DGKB: variants seen among roughly 807,000 people sequenced by gnomAD.
DGKB encodes the protein diacylglycerol kinase beta.
Under a neutral mutation model 114.3 loss-of-function variants are expected in DGKB, and 67 were observed. The observed-to-expected ratio is 0.59, with a 90% CI of 0.48 to 0.72. The LOEUF is 0.72. Among genes scored for constraint, DGKB ranks in the 30% least tolerant of loss-of-function variants. The pLI is 0.00. For synonymous variants in DGKB, 398 were observed against 323.1 expected (o/e 1.23, Z -2.49); for missense variants, 907 against 975.2 (o/e 0.93, Z 0.93).
intron 23 of DGKB, among the ~76,000 whole-genome samples, chr7:14,264,077 G>C (rs1363794824): frequency 6.6e-6 from 1 of 152,082 alleles, no homozygotes; most frequent in Non-Finnish European, 1.5e-5. Flanking sequence ...CCAACAGGTA[G>C]AGTCACAGAG....
chr7:14,279,138 C>T lies in DGKB; in HGVS notation c.2122+59377G>A, dbSNP rs557341362. 9.2e-5 allele frequency among the ~76,000 whole-genome samples: 14 copies of T among 152,310 alleles called. No homozygotes were observed. The South Asian group carries it at 2.5e-3, about 27-fold the overall frequency. On this transcript the variant is annotated intron_variant, in intron 23 of 25. Transcript: ENST00000402815. ...GGGTGATGGACGGCACCTGGAAAAT[C>T]GGGTCACTCCCACCCGAATACTGCG...
intron 21 of DGKB, among the ~76,000 whole-genome samples, chr7:14,472,331 G>A (rs1432545817): frequency 6.6e-6 from 1 of 152,122 alleles, no homozygotes; most frequent in Non-Finnish European, 1.5e-5. Flanking sequence ...GTTCTGTAAG[G>A]AGGAGTTTCC....
intron 1 of DGKB, among the ~76,000 whole-genome samples, chr7:14,875,734 T>C (rs1042691037): frequency 1.3e-5 from 2 of 152,170 alleles, no homozygotes; most frequent in Non-Finnish European, 2.9e-5. Flanking sequence ...CTAACCCACG[T>C]TGGGCCACAT....
chr7:14,643,519 C>T (rs1037517584), intron 13 of DGKB, among the ~76,000 whole-genome samples: 7 of 152,154 alleles, frequency 4.6e-5, no homozygotes, highest in Non-Finnish European at 7.4e-5. Flanking sequence ...TCCCCTACAT[C>T]CACTGAGAAG....
At chr7:14,604,440 T>G (rs896496640) in intron 17 of DGKB, among the ~76,000 whole-genome samples, 2 of 151,932 alleles carry the variant, frequency 1.3e-5, no homozygotes, top group African/African-American at 4.8e-5. Flanking sequence ...CAATCTGGTG[T>G]GGTAAAGAGG....
chr7:14,751,482 T>C (rs538947447), intron 4 of DGKB, among the ~76,000 whole-genome samples: 1 of 152,300 alleles, frequency 6.6e-6, no homozygotes, highest in African/African-American at 2.4e-5. Flanking sequence ...TTTATAATTG[T>C]AGGTAGATTT....
chr7:14,749,902 G>A (rs956209129), intron 4 of DGKB, among the ~76,000 whole-genome samples: 7 of 152,098 alleles, frequency 4.6e-5, no homozygotes, highest in African/African-American at 1.7e-4. Flanking sequence ...GCACATATGA[G>A]CAGACAGATT....
At chr7:14,768,345 A>G (rs1311048046) in intron 2 of DGKB, among the ~76,000 whole-genome samples, 2 of 151,936 alleles carry the variant, frequency 1.3e-5, no homozygotes, top group African/African-American at 2.4e-5. Flanking sequence ...TAGATGATCT[A>G]TAGGATATTC....
In DGKB at chr7:14,569,476, A is replaced by G. The variant is rs997031600; in HGVS notation, c.1770+4736T>C. Among the ~76,000 whole-genome samples, 4 of 152,304 alleles carry G rather than the reference A, an allele frequency of 2.6e-5. 1 individual carries two copies. Among genetic ancestry groups the G allele is most frequent in the Admixed American group, 6.5e-5 (1 of 15,280 alleles). ...ATATAATATGAGGTAGAGTTCTAAC[A>G]AAAGTTTTTTCTTTCTAGGAAGCTA... On this transcript the variant is annotated intron_variant, in intron 20 of 25. Transcript: ENST00000402815.
chr7:14,625,075 T>G (rs1808336739), intron 14 of DGKB, among the ~76,000 whole-genome samples: 1 of 152,162 alleles, frequency 6.6e-6, no homozygotes, highest in Non-Finnish European at 1.5e-5. Flanking sequence ...ATTTCATTTA[T>G]GAAATCCAGA....
chr7:14,155,720 G>C (rs952162293), intron 25 of DGKB, among the ~76,000 whole-genome samples: 1 of 152,228 alleles, frequency 6.6e-6, no homozygotes, highest in South Asian at 2.1e-4. Context: ...ACTGGAAAAA[G>C]AGGAAGATTT....
At chr7:14,289,507 T>G (rs1801398773) in intron 23 of DGKB, among the ~76,000 whole-genome samples, 2 of 152,268 alleles carry the variant, frequency 1.3e-5, no homozygotes, top group South Asian at 2.1e-4. Flanking sequence ...ACATTCTATT[T>G]AGAAGATGAT....
chr7:14,689,633 C>T (rs940729240), intron 9 of DGKB, among the ~76,000 whole-genome samples: 18 of 152,128 alleles, frequency 1.2e-4, no homozygotes, highest in African/African-American at 3.9e-4. Context: ...GCAAAATCAA[C>T]AGCAGGTTAC....
intron 23 of DGKB, among the ~76,000 whole-genome samples, chr7:14,188,659 CAAAAAA>C (rs35808078): frequency 8.8e-5 from 3 of 34,088 alleles, no homozygotes; most frequent in Non-Finnish European, 1.1e-4. Flanking sequence ...GACTCCGTCT[CAAAAAA>C]AAAAAAAAAA....
upstream of DGKB, chr7:14,903,155 T>C (rs530495445): frequency 6.6e-6 from 1 of 152,572 alleles, no homozygotes; most frequent in African/African-American, 2.4e-5. Flanking sequence ...ACGCTCTTCT[T>C]CAGTCTCTCT....
Position 14,646,342 on chromosome 7 carries a change from A to G in DGKB, c.1135-16074T>C, listed in dbSNP as rs1411180475. ...GGATATAACAATTATAGAAAAGTAA[A>G]TAAACATATATATACACACTCAACA... On this transcript the variant is annotated intron_variant, in intron 13 of 25. Transcript: ENST00000402815. Among the ~76,000 whole-genome samples the G allele has an allele frequency of 2.0e-5, 3 of 152,158 alleles. No individual in the cohort carries two copies. In the East Asian group the frequency reaches 5.8e-4, roughly 29 times the overall value.
intron 23 of DGKB, among the ~76,000 whole-genome samples, chr7:14,295,758 A>C (rs150856118): frequency 0.013 from 2,035 of 152,208 alleles, 24 homozygotes; most frequent in African/African-American, 0.036. Context: ...CAGAACATGC[A>C]GGTTTGCTAC....
At position 14,826,374 on chromosome 7, in the gene DGKB, G is replaced by T. The variant is rs1412294395; in HGVS notation, c.70+14820C>A. On this transcript the variant is annotated intron_variant, in intron 2 of 25. Transcript: ENST00000402815. The stretch of plus-strand genomic sequence containing the variant: ...TCCTTTCTTGGACCAGTTGATTCCA[G>T]GAATTACCATACTTTATATTTTGTC... Among the ~76,000 whole-genome samples, 8 of 152,146 alleles carry T rather than the reference G, an allele frequency of 5.3e-5. No individual in the cohort carries two copies. In the East Asian group the frequency reaches 9.7e-4, roughly 18 times the overall value.
At chr7:14,399,787 G>A (rs992498314) in intron 21 of DGKB, among the ~76,000 whole-genome samples, 9 of 151,814 alleles carry the variant, frequency 5.9e-5, no homozygotes, top group East Asian at 1.9e-4. Flanking sequence ...TCCTCTTGAA[G>A]TTCTCAAAAA....
Sources: gnomAD v4.1 joint callset for allele counts (sites outside exome capture counted in the v4.1 genomes callset) on GRCh38, gnomAD v4.1.1 for gene constraint, MANE v1.5 for transcripts, NCBI Gene and HGNC (gene_info 2026-07-23, HGNC 2026-07-21) for gene names.